CCDC91: variants seen among roughly 807,000 people sequenced by gnomAD.
CCDC91 encodes coiled-coil domain containing 91, also known as coiled-coil domain-containing protein 91.
In CCDC91, 48 loss-of-function variants were observed where a neutral mutation model predicts 63.2. That is an observed-to-expected ratio of 0.76 (90% CI 0.60 to 0.97). The LOEUF (loss-of-function observed/expected upper bound fraction) is 0.97, where lower values mean the gene tolerates loss of function less well. CCDC91 is among the 50% of genes least tolerant of loss of function. CCDC91 has a pLI of 0.00. For synonymous variants in CCDC91, 167 were observed against 165.8 expected, an observed-to-expected ratio of 1.01 and a Z score of -0.06; for missense variants, 500 against 494.6, an observed-to-expected ratio of 1.01 and a Z score of -0.10.
intron 8 of CCDC91, among the ~76,000 whole-genome samples, chr12:28,415,002 A>C (rs1399754459): frequency 1.3e-5 from 2 of 152,168 alleles, no homozygotes; most frequent in Non-Finnish European, 2.9e-5. Context: ...ACTTTTTCTT[A>C]CTGGTCAAAT....
chr12:28,284,693 G>A (rs1277983021), intron 3 of CCDC91, among the ~76,000 whole-genome samples: 3 of 151,918 alleles, frequency 2.0e-5, no homozygotes, highest in Non-Finnish European at 4.4e-5. Flanking sequence ...TTGTTAGCCA[G>A]TCCTTCTCCA....
At chr12:28,355,864 G>A (rs74644160) in intron 6 of CCDC91, among the ~76,000 whole-genome samples, 1,610 of 152,226 alleles carry the variant, frequency 0.011, 36 homozygotes, top group African/African-American at 0.037. Context: ...TGGAATAGGA[G>A]CAGTGATTAA....
At chr12:28,218,661 T>C (rs1943724671) in intron 1 of CCDC91, among the ~76,000 whole-genome samples, 1 of 151,934 alleles carries the variant, frequency 6.6e-6, no homozygotes, top group Non-Finnish European at 1.5e-5. Context: ...AAGTTTTGCC[T>C]TTTCAAGAAT....
intron 6 of CCDC91, among the ~76,000 whole-genome samples, chr12:28,326,303 A>G (rs1040430769): frequency 1.3e-5 from 2 of 151,812 alleles, no homozygotes; most frequent in African/African-American, 4.8e-5. Flanking sequence ...CATTTGGGAT[A>G]TTTTTTATTA....
At chr12:28,308,184 T>C (rs1467309460) in intron 6 of CCDC91, among the ~76,000 whole-genome samples, 1 of 151,994 alleles carries the variant, frequency 6.6e-6, no homozygotes, top group Non-Finnish European at 1.5e-5. Context: ...GGCAACTCCA[T>C]CTTTCTAATT....
chr12:28,301,493 T>A (rs1490856826), intron 3 of CCDC91, among the ~76,000 whole-genome samples: 1 of 151,604 alleles, frequency 6.6e-6, no homozygotes, highest in South Asian at 2.1e-4. Flanking sequence ...TATACTTCAT[T>A]ATAAGTGATA....
chr12:28,324,825 C>T (rs1165505233), intron 6 of CCDC91, among the ~76,000 whole-genome samples: 2 of 151,778 alleles, frequency 1.3e-5, no homozygotes, highest in African/African-American at 2.4e-5. Context: ...TAGTATCTTA[C>T]TTTCCATCCC....
chr12:28,347,279 C>T (rs1942875489), intron 6 of CCDC91, among the ~76,000 whole-genome samples: 1 of 152,200 alleles, frequency 6.6e-6, no homozygotes, highest in African/African-American at 2.4e-5. Context: ...AGCTAAGAGA[C>T]AGTATCATCT....
At chr12:28,491,962 GGTGT>G (rs56946212) in intron 12 of CCDC91, among the ~76,000 whole-genome samples, 9 of 146,872 alleles carry the variant, frequency 6.1e-5, no homozygotes, top group Middle Eastern at 3.4e-3. Flanking sequence ...AAGGTGTTGG[GGTGT>G]GTGTGTGTGT....
chr12:28,318,527 C>G (rs1344514669), intron 6 of CCDC91, among the ~76,000 whole-genome samples: 1 of 151,836 alleles, frequency 6.6e-6, no homozygotes, highest in African/African-American at 2.4e-5. Context: ...AGTGACAGAG[C>G]CAGACCCTGT....
intron 8 of CCDC91, among the ~76,000 whole-genome samples, chr12:28,418,074 ATACT>A (rs1397816579): frequency 6.6e-6 from 1 of 152,144 alleles, no homozygotes; most frequent in Non-Finnish European, 1.5e-5. Context: ...TCTGGGTTAA[ATACT>A]TAGGAGTAGC....
At chr12:28,464,344 C>G (rs1278231404) in intron 11 of CCDC91, among the ~76,000 whole-genome samples, 1 of 152,224 alleles carries the variant, frequency 6.6e-6, no homozygotes, top group African/African-American at 2.4e-5. Flanking sequence ...ATGCAACCTA[C>G]TGAGACATTA....
intron 6 of CCDC91, among the ~76,000 whole-genome samples, chr12:28,312,767 T>A (rs996125652): frequency 3.0e-4 from 45 of 151,978 alleles, no homozygotes; most frequent in Admixed American, 5.9e-4. Flanking sequence ...CTTGTGCTAT[T>A]CTTGTGATAG....
At chr12:28,197,352 C>T (rs1275817788) in intron 1 of CCDC91, among the ~76,000 whole-genome samples, 1 of 151,986 alleles carries the variant, frequency 6.6e-6, no homozygotes, top group Non-Finnish European at 1.5e-5. Context: ...ATTTTGTTTC[C>T]ACTGATCTAT....
intron 1 of CCDC91, among the ~76,000 whole-genome samples, chr12:28,237,253 CACACACACACACAT>C (rs1945018765): frequency 6.6e-6 from 1 of 151,208 alleles, no homozygotes. Flanking sequence ...CACACACACA[CACACACACACACAT>C]TTTTTAAAAA....
rs116808504 is a variant in CCDC91, at chr12:28,223,791, A to G, written c.-15+33150A>G. Among the ~76,000 whole-genome samples, 1,262 of 152,294 alleles carry G rather than the reference A, an allele frequency of 8.3e-3. 26 individuals are homozygous for G. Among genetic ancestry groups the G allele is most frequent in the African/African-American group, 0.029 (1,210 of 41,568 alleles). Reference sequence around the variant, plus strand: ...TTAATTCATTTTATCTTCAGAGCCAATTTTTAAGCTTTATCTAGAGTCTTA... The same window carrying G: ...TTAATTCATTTTATCTTCAGAGCCAGTTTTTAAGCTTTATCTAGAGTCTTA... On this transcript the variant is annotated intron_variant, in intron 1 of 12. Transcript: ENST00000536442.
intron 3 of CCDC91, among the ~76,000 whole-genome samples, chr12:28,279,080 T>C (rs1948427936): frequency 6.6e-6 from 1 of 152,016 alleles, no homozygotes; most frequent in South Asian, 2.1e-4. Context: ...ATTTTCCTCT[T>C]TTTCTTACCT....
chr12:28,246,815 A>G (rs1432987876), intron 1 of CCDC91, among the ~76,000 whole-genome samples: 6 of 152,302 alleles, frequency 3.9e-5, no homozygotes, highest in Middle Eastern at 6.8e-3. Context: ...GCTGTGGTGT[A>G]AAGTGTCAAG....
chr12:28,391,308 T>C lies in CCDC91; in HGVS notation c.659T>C (p.Leu220Pro), dbSNP rs2139299533. Residue 220 changes from leucine to proline, a missense_variant, in exon 8 of 13, where the codon CTA becomes CCA. Transcript: ENST00000536442. ...LSIIVDEYKALLQSSVKQQVE... is the reference protein window; with the variant it reads ...LSIIVDEYKAPLQSSVKQQVE... Reference sequence around the variant, plus strand: ...GACTTTTTTGCTTGTTTTCAGGCACTACTGCAGTCTTCAGTTAAGCAACAA... The same window carrying C: ...GACTTTTTTGCTTGTTTTCAGGCACCACTGCAGTCTTCAGTTAAGCAACAA... The C allele has an allele frequency of 6.2e-7, 1 of 1,605,918 alleles. No homozygotes were observed. Among genetic ancestry groups the C allele is most frequent in the Non-Finnish European group, 8.5e-7 (1 of 1,172,880 alleles).
Sources: allele counts gnomAD v4.1 joint callset (sites outside exome capture counted in the v4.1 genomes callset), GRCh38; gene constraint gnomAD v4.1.1; transcripts MANE v1.5; gene names NCBI Gene and HGNC (gene_info 2026-07-23, HGNC 2026-07-21).